FARSB: variants seen among roughly 807,000 people sequenced by gnomAD.
The protein encoded by FARSB is phenylalanine--tRNA ligase beta subunit.
Under a neutral mutation model 69.6 loss-of-function variants are expected in FARSB, and 40 were observed. The ratio of observed to expected loss-of-function variants is 0.57; its 90% CI spans 0.45 to 0.75. The LOEUF is 0.75. Ranked by LOEUF, FARSB falls within the 30% of genes least tolerant of loss-of-function variation. FARSB has a pLI of 0.00. For missense variants in FARSB, 632 were observed against 722.9 expected, an observed-to-expected ratio of 0.87 and a Z score of 1.44; for synonymous variants, 235 against 247.2, an observed-to-expected ratio of 0.95 and a Z score of 0.46.
chr2:222,592,514 C>T (rs967792986), intron 16 of FARSB, among the ~76,000 whole-genome samples: 2 of 151,982 alleles, frequency 1.3e-5, no homozygotes, highest in African/African-American at 4.8e-5. Context: ...ATCTGTCTCA[C>T]ATGTATAAGA....
chr2:222,568,518 A>G lies in FARSB; in HGVS notation c.*3353T>C, dbSNP rs1364563496. The G allele has an allele frequency of 6.6e-6, 1 of 152,220 alleles. No homozygotes were observed. The highest frequency in any genetic ancestry group is 2.4e-5 in the African/African-American group (1 of 41,456). 9.4% of individuals were successfully genotyped at this position (152,220 alleles called of 1,614,324 possible). A position where few individuals can be genotyped will look rare whatever the true frequency, so the allele number is the denominator to read the frequency against. On this transcript the variant is annotated 3_prime_UTR_variant, in exon 17 of 17. Coordinates refer to ENST00000281828, the MANE Select transcript of FARSB (RefSeq NM_005687.5). This position sits in a 1 kb window ranked among gnomAD's most constrained non-coding sequence, Gnocchi z 4.3. ...CTCATACCGTTATTAAACCAAAAAA[A>G]TTAAAATGTGAAAAAAGATCAATTC...
chr2:222,566,924 C>T lies in FARSB; in HGVS notation c.*4947G>A, dbSNP rs1267250694. ...TGGCTTCAATAAAAGAATTTTATTTCTCACAGTTCTGGAGGCTAGAATTTC... is the reference window on the plus strand; with the variant it reads ...TGGCTTCAATAAAAGAATTTTATTTTTCACAGTTCTGGAGGCTAGAATTTC... On this transcript the variant is annotated 3_prime_UTR_variant, in exon 17 of 17. Transcript: ENST00000281828. 6.6e-6 allele frequency: 1 copy of T among 152,222 alleles called. No individual in the cohort carries two copies. The highest frequency in any genetic ancestry group is 1.5e-5 in the Non-Finnish European group (1 of 68,056). The allele number at this position is 152,222 out of a possible 1,614,324, so 9.4% of individuals were successfully genotyped here.
At chr2:222,610,653 C>T (rs1351222647) in intron 15 of FARSB, among the ~76,000 whole-genome samples, 1 of 152,138 alleles carries the variant, frequency 6.6e-6, no homozygotes, top group East Asian at 1.9e-4. Context: ...GTAAAAAATT[C>T]CCATAAACCA....
intron 6 of FARSB, among the ~76,000 whole-genome samples, chr2:222,633,808 C>T (rs1274608634): frequency 1.3e-5 from 2 of 151,464 alleles, no homozygotes; most frequent in Non-Finnish European, 2.9e-5. Context: ...TCAATGAACA[C>T]AATTGAATCA....
intron 11 of FARSB, 74 bp downstream of exon 11, chr2:222,624,640 C>A: frequency 9.6e-7 from 1 of 1,041,500 alleles, no homozygotes; most frequent in Admixed American, 2.1e-5. Flanking sequence ...TTAACAGACT[C>A]TGAAGGATCG....
intron 15 of FARSB, among the ~76,000 whole-genome samples, chr2:222,604,374 T>C (rs1395889436): frequency 1.3e-5 from 2 of 152,204 alleles, no homozygotes; most frequent in African/African-American, 4.8e-5. Flanking sequence ...CATGAAAGTA[T>C]TGTTACTTAT....
chr2:222,584,330 C>A (rs1690047831), intron 16 of FARSB, among the ~76,000 whole-genome samples: 1 of 152,172 alleles, frequency 6.6e-6, no homozygotes, highest in Non-Finnish European at 1.5e-5. Flanking sequence ...GAGTTTCCAT[C>A]CAATTCCCCC....
chr2:222,635,738 GACAAACAC>G (rs1221714145), intron 5 of FARSB, among the ~76,000 whole-genome samples: 1 of 152,112 alleles, frequency 6.6e-6, no homozygotes, highest in Non-Finnish European at 1.5e-5. Context: ...AAAAGCAAAA[GACAAACAC>G]ACAGGCACAC....
intron 16 of FARSB, among the ~76,000 whole-genome samples, chr2:222,582,324 C>G (rs375192502): frequency 6.6e-6 from 1 of 152,128 alleles, no homozygotes; most frequent in East Asian, 1.9e-4. Flanking sequence ...AGGTACAGAA[C>G]AGTGTGTAAA....
In FARSB at chr2:222,624,477, T is replaced by C; in HGVS notation, c.965A>G (p.Glu322Gly). The change falls in exon 12 of 17, where the codon GAA becomes GGA. Residue 322 changes from glutamate to glycine, a missense_variant and splice_region_variant. Transcript: ENST00000281828. ...AAGTTTGGCAAGATTTTCTGGAGTTTCTCTGAAAAAGGAATGAACAAACCA... is the reference window on the plus strand; with the variant it reads ...AAGTTTGGCAAGATTTTCTGGAGTTCCTCTGAAAAAGGAATGAACAAACCA... ...DLINKKVGIR[E>G]TPENLAKLLT... The C allele has an allele frequency of 6.2e-7, 1 of 1,604,596 alleles. No individual in the cohort carries two copies. The highest frequency in any genetic ancestry group is 8.5e-7 in the Non-Finnish European group (1 of 1,171,564).
At chr2:222,619,839 T>C in intron 13 of FARSB, 102 bp from the exon 14 acceptor site, 1 of 616,562 alleles carries the variant, frequency 1.6e-6, no homozygotes, top group Admixed American at 2.4e-5. Context: ...ATTTATATTC[T>C]CTACACATAT....
intron 13 of FARSB, among the ~76,000 whole-genome samples, chr2:222,621,429 G>A (rs1247939255): frequency 6.6e-6 from 1 of 152,096 alleles, no homozygotes; most frequent in African/African-American, 2.4e-5. Flanking sequence ...TGCCATGTTG[G>A]CCACACTGGT....
intron 15 of FARSB, among the ~76,000 whole-genome samples, chr2:222,601,065 G>A (rs1478838884): frequency 6.6e-6 from 1 of 151,648 alleles, no homozygotes; most frequent in Admixed American, 6.6e-5. Flanking sequence ...AAGTATCTAA[G>A]TCATGAAACT....
At chr2:222,574,783 G>A (rs1453403362) in intron 16 of FARSB, among the ~76,000 whole-genome samples, 1 of 152,058 alleles carries the variant, frequency 6.6e-6, no homozygotes, top group African/African-American at 2.4e-5. Flanking sequence ...TTTTCTTATC[G>A]ACTCCTCTTT....
At chr2:222,595,557 T>C (rs946334699) in intron 16 of FARSB, among the ~76,000 whole-genome samples, 2 of 152,210 alleles carry the variant, frequency 1.3e-5, no homozygotes, top group Non-Finnish European at 2.9e-5. Context: ...AAAACTAGAA[T>C]TGTCAAAACT....
intron 16 of FARSB, among the ~76,000 whole-genome samples, chr2:222,572,550 C>A (rs1229602115): frequency 6.6e-6 from 1 of 152,156 alleles, no homozygotes; most frequent in Non-Finnish European, 1.5e-5. Flanking sequence ...GTGTCATAGG[C>A]CGGCTACTGG....
At chr2:222,600,638 TA>T (rs1690534219) in intron 15 of FARSB, among the ~76,000 whole-genome samples, 1 of 152,160 alleles carries the variant, frequency 6.6e-6, no homozygotes, top group Non-Finnish European at 1.5e-5. Context: ...CTTATCATAG[TA>T]AATGAAAATT....
rs1691317486 is a variant in FARSB, at chr2:222,627,898, G to A, written c.900+939C>T. Among the ~76,000 whole-genome samples the A allele has an allele frequency of 2.0e-5, 3 of 152,186 alleles. No individual in the cohort carries two copies. In the South Asian group the frequency reaches 6.2e-4, roughly 31 times the overall value. On this transcript the variant is annotated intron_variant, in intron 10 of 16. Transcript: ENST00000281828. Reference sequence around the variant, plus strand: ...TGAAAGATTCAAAGGGGAAGGAAAAGCTCATCAAAGAATGCTCTCACTGAA... The same window carrying A: ...TGAAAGATTCAAAGGGGAAGGAAAAACTCATCAAAGAATGCTCTCACTGAA...
chr2:222,572,225 G>T (rs879303482), intron 16 of FARSB, among the ~76,000 whole-genome samples: 9 of 152,058 alleles, frequency 5.9e-5, no homozygotes, highest in Non-Finnish European at 1.2e-4. Flanking sequence ...AAAAATCCGG[G>T]GCAAATATGA....
Sources: allele counts gnomAD v4.1 joint callset (sites outside exome capture counted in the v4.1 genomes callset), GRCh38; gene constraint gnomAD v4.1.1; non-coding constraint Gnocchi (gnomAD v3.1); transcripts MANE v1.5; gene names NCBI Gene and HGNC (gene_info 2026-07-23, HGNC 2026-07-21).